The following CFAP77 variants were observed in gnomAD, a reference collection of about 807,000 sequenced individuals.
CFAP77 encodes cilia- and flagella-associated protein 77.
In CFAP77, 25 loss-of-function variants were observed where a neutral mutation model predicts 31.1. The observed-to-expected ratio is 0.80, with a 90% CI of 0.59 to 1.12. The LOEUF (loss-of-function observed/expected upper bound fraction) is 1.12, where lower values mean the gene tolerates loss of function less well. Among genes scored for constraint, CFAP77 ranks in the 50% most tolerant of loss-of-function variants. The probability of loss-of-function intolerance (pLI) is 0.00; values close to 1 mark genes in which losing one functional copy is unlikely to be tolerated. For missense variants in CFAP77, 377 were observed against 397.3 expected (o/e 0.95, Z 0.44); for synonymous variants, 151 against 159.9 (o/e 0.94, Z 0.42).
intron 3 of CFAP77, among the ~76,000 whole-genome samples, chr9:132,508,565 A>G (rs1477923605): frequency 6.6e-6 from 1 of 152,156 alleles, no homozygotes; most frequent in Non-Finnish European, 1.5e-5. Flanking sequence ...AACCATCTGA[A>G]GCCCTGGGAT....
chr9:132,572,074 G>C (rs888848847), intron 5 of CFAP77, among the ~76,000 whole-genome samples: 1 of 152,076 alleles, frequency 6.6e-6, no homozygotes, highest in African/African-American at 2.4e-5. Flanking sequence ...TGGTGGAAAA[G>C]TAGTGCATGA....
At chr9:132,442,915 GA>G (rs1163068329) in intron 1 of CFAP77, among the ~76,000 whole-genome samples, 8 of 152,000 alleles carry the variant, frequency 5.3e-5, no homozygotes, top group Non-Finnish European at 1.0e-4. Context: ...CCTCTGTTTT[GA>G]AAGTTTTTTC....
intron 1 of CFAP77, among the ~76,000 whole-genome samples, chr9:132,429,418 G>A (rs1037570864): frequency 5.3e-5 from 8 of 151,224 alleles, no homozygotes; most frequent in African/African-American, 1.2e-4. Context: ...GGTTCCTGTA[G>A]TCCCAGCTAC....
chr9:132,453,458 G>A (rs774237748), intron 1 of CFAP77, among the ~76,000 whole-genome samples: 5 of 152,162 alleles, frequency 3.3e-5, no homozygotes, highest in Non-Finnish European at 5.9e-5. Context: ...CCCGGGAGGC[G>A]GAGGTTGCAG....
Position 132,512,383 on chromosome 9 carries a change from T to C in CFAP77, c.524+12783T>C, listed in dbSNP as rs569471622. ...TAATTACATCTGCAAAGACCTCTTT[T>C]CCAAATAAGGTCAAATTTACAGGCT... is the stretch of plus-strand genomic sequence containing the variant. On this transcript the variant is annotated intron_variant, in intron 3 of 5. Transcript: ENST00000393216. Among the ~76,000 whole-genome samples the C allele has an allele frequency of 5.3e-5, 8 of 152,328 alleles. No homozygotes were observed. In the East Asian group the frequency reaches 1.5e-3, roughly 29 times the overall value.
intron 3 of CFAP77, among the ~76,000 whole-genome samples, chr9:132,521,267 G>T (rs1356232099): frequency 2.0e-5 from 3 of 152,160 alleles, no homozygotes; most frequent in Non-Finnish European, 2.9e-5. Flanking sequence ...CGTCCTGAAG[G>T]ATATCGGGGC....
chr9:132,437,035 A>T (rs548825822), intron 1 of CFAP77, among the ~76,000 whole-genome samples: 26 of 152,068 alleles, frequency 1.7e-4, no homozygotes, highest in Non-Finnish European at 2.9e-4. Flanking sequence ...CTGTGGGGAG[A>T]CAGGAACAGG....
At chr9:132,532,101 AAG>A (rs1397418047) in intron 3 of CFAP77, among the ~76,000 whole-genome samples, 10 of 151,506 alleles carry the variant, frequency 6.6e-5, no homozygotes, top group South Asian at 2.1e-4. Context: ...GCAGGGGTAA[AAG>A]AACTGGAAAA....
intron 5 of CFAP77, among the ~76,000 whole-genome samples, chr9:132,569,536 T>C (rs1829927832): frequency 6.6e-6 from 1 of 152,138 alleles, no homozygotes; most frequent in African/African-American, 2.4e-5. Flanking sequence ...TTGAAAAATA[T>C]GCCTGTGTTC....
chr9:132,436,932 G>A (rs1850513419), intron 1 of CFAP77, among the ~76,000 whole-genome samples: 2 of 152,102 alleles, frequency 1.3e-5, no homozygotes, highest in African/African-American at 4.8e-5. Context: ...ATGAAAAGTG[G>A]TAAGTTATAG....
At chr9:132,568,556 CAA>C (rs34754814) in intron 5 of CFAP77, among the ~76,000 whole-genome samples, 11,482 of 89,878 alleles carry the variant, frequency 0.13, 393 homozygotes, top group African/African-American at 0.14. Flanking sequence ...AACTCCGCCT[CAA>C]AAAAAAAAAA....
chr9:132,460,433 A>G (rs1400826081), intron 1 of CFAP77, among the ~76,000 whole-genome samples: 1 of 152,214 alleles, frequency 6.6e-6, no homozygotes, highest in African/African-American at 2.4e-5. Flanking sequence ...CTTGGCCATT[A>G]AAAAGGAATG....
intron 1 of CFAP77, among the ~76,000 whole-genome samples, chr9:132,462,804 G>A (rs966468165): frequency 2.6e-5 from 4 of 151,248 alleles, no homozygotes; most frequent in East Asian, 1.9e-4. Flanking sequence ...CAACAAGAGC[G>A]AAACTCCGTC....
rs779390648 is a variant in CFAP77 at position 132,563,384 on chromosome 9, C to T, written c.733-9004C>T. On this transcript the variant is annotated intron_variant, in intron 5 of 5. Coordinates refer to ENST00000393216, the MANE Select transcript of CFAP77 (RefSeq NM_001282957.2). ...TCAGATTTTATTTAATTTTAGTCCA[C>T]TGACATTGAAAGAGCTGCATGTGGC... is the stretch of plus-strand genomic sequence containing the variant. 6.3e-4 allele frequency among the ~76,000 whole-genome samples: 96 copies of T among 152,316 alleles called. 1 individual carries two copies. The highest frequency in any genetic ancestry group is 1.0e-3 in the Non-Finnish European group (71 of 68,032).
chr9:132,469,921 C>T (rs1478083951), intron 1 of CFAP77, among the ~76,000 whole-genome samples: 2 of 151,024 alleles, frequency 1.3e-5, no homozygotes, highest in South Asian at 2.1e-4. Flanking sequence ...CTCACCACAA[C>T]CTCCGCCTCG....
chr9:132,481,010 G>A lies in CFAP77; in HGVS notation c.196-17685G>A, dbSNP rs186774217. 1.9e-3 allele frequency among the ~76,000 whole-genome samples: 291 copies of A among 151,952 alleles called. 1 individual carries two copies. The highest frequency in any genetic ancestry group is 6.6e-3 in the African/African-American group (273 of 41,532). The stretch of plus-strand genomic sequence containing the variant: ...ACAGCAGGCTGAGATCTGTTAGCTC[G>A]AAAGCACACTAGCACCAAACAAAAT... On this transcript the variant is annotated intron_variant, in intron 1 of 5. Transcript: ENST00000393216. This position sits in a 1 kb window ranked among gnomAD's most constrained non-coding sequence, Gnocchi z 5.0.
rs533266917 is a variant in CFAP77 at position 132,555,318 on chromosome 9, G to GT, written c.732+12273dup. On this transcript the variant is annotated intron_variant, in intron 5 of 5. Transcript: ENST00000393216. ...AAGGGGAATAACAACACCAAACCTCGTTGCAGTACACTCCACCCCGATGGG... is the reference window on the plus strand; with the variant it reads ...AAGGGGAATAACAACACCAAACCTCGTTTGCAGTACACTCCACCCCGATGGG... 1.3e-3 allele frequency among the ~76,000 whole-genome samples: 191 copies of GT among 152,186 alleles called. 1 individual carries two copies. Among genetic ancestry groups the GT allele is most frequent in the Middle Eastern group, 0.01 (3 of 294 alleles).
intron 3 of CFAP77, among the ~76,000 whole-genome samples, chr9:132,524,580 T>C (rs1005049989): frequency 6.6e-6 from 1 of 152,120 alleles, no homozygotes; most frequent in East Asian, 1.9e-4. Flanking sequence ...GCCACTGCAC[T>C]TCATCCTGGC....
chr9:132,536,499 TTCTCCTGTC>T (rs1371919492), intron 3 of CFAP77, among the ~76,000 whole-genome samples: 1 of 149,546 alleles, frequency 6.7e-6, no homozygotes, highest in African/African-American at 2.4e-5. Context: ...GTTCAAGCAA[TTCTCCTGTC>T]TCAGCCTCCC....
Sources: allele counts gnomAD v4.1 joint callset (sites outside exome capture counted in the v4.1 genomes callset), GRCh38; gene constraint gnomAD v4.1.1; non-coding constraint Gnocchi (gnomAD v3.1); transcripts MANE v1.5; gene names NCBI Gene and HGNC (gene_info 2026-07-23, HGNC 2026-07-21).